FAT3: variants seen among roughly 807,000 people sequenced by gnomAD.
FAT3 encodes the protein FAT atypical cadherin 3, also known as protocadherin Fat 3.
FAT3 carries 95 observed loss-of-function variants against 310.2 expected under a neutral mutation model. The observed-to-expected ratio is 0.31, with a 90% CI of 0.26 to 0.36. The LOEUF (loss-of-function observed/expected upper bound fraction) is 0.36, where lower values mean the gene tolerates loss of function less well. Ranked by LOEUF, FAT3 falls within the 10% of genes least tolerant of loss-of-function variation. The probability of loss-of-function intolerance (pLI) is 1.00; values close to 1 mark genes in which losing one functional copy is unlikely to be tolerated. For synonymous variants in FAT3, 2,314 were observed against 2,192.9 expected, an observed-to-expected ratio of 1.06 and a Z score of -1.54; for missense variants, 5,408 against 5,715.6, an observed-to-expected ratio of 0.95 and a Z score of 1.74.
At chr11:92,616,364 G>A (rs1277794117) in intron 3 of FAT3, among the ~76,000 whole-genome samples, 7 of 109,840 alleles carry the variant, frequency 6.4e-5, no homozygotes, top group East Asian at 2.3e-4. Context: ...TTTTGAGCCT[G>A]TGTGTGTCTC....
intron 1 of FAT3, among the ~76,000 whole-genome samples, chr11:92,236,973 G>A (rs1864450088): frequency 6.6e-6 from 1 of 152,064 alleles, no homozygotes. Flanking sequence ...GCTGATAGAG[G>A]CAAATGTAAA....
In FAT3 at chr11:92,831,701, C is replaced by T. The variant is rs1454398049; in HGVS notation, c.9561C>T (p.Ile3187=). The change falls in exon 14 of 28, where the codon ATC becomes ATT. Residue 3187 remains isoleucine, a synonymous_variant. Transcript: ENST00000525166. The part of the protein sequence containing the change: ...VFSIDSSSGI[I]ILEQPLDREQ... ...CCATTGACAGCTCATCTGGCATCAT[C>T]ATCCTGGAGCAGCCACTGGACCGTG... 6.2e-6 allele frequency: 10 copies of T among 1,613,540 alleles called. No individual in the cohort carries two copies. The highest frequency in any genetic ancestry group is 8.5e-6 in the Non-Finnish European group (10 of 1,179,782).
intron 3 of FAT3, among the ~76,000 whole-genome samples, chr11:92,691,041 G>A (rs980227697): frequency 6.6e-6 from 1 of 152,190 alleles, no homozygotes; most frequent in African/African-American, 2.4e-5. Context: ...TCCCGATTGG[G>A]TGACCCACCC....
At chr11:92,286,679 A>G (rs562204569) in intron 1 of FAT3, among the ~76,000 whole-genome samples, 3 of 152,332 alleles carry the variant, frequency 2.0e-5, no homozygotes, top group African/African-American at 7.2e-5. Context: ...ATAGGATAGC[A>G]TAGAAGAAAA....
At chr11:92,412,765 A>ATATATATATACACATATATG (rs1950324578) in intron 2 of FAT3, among the ~76,000 whole-genome samples, 4 of 137,138 alleles carry the variant, frequency 2.9e-5, no homozygotes, top group Admixed American at 1.5e-4. Flanking sequence ...ACATATATAT[A>ATATATATATACACATATATG]TATTTAATGT....
chr11:92,371,766 A>T (rs1030762920), intron 2 of FAT3, among the ~76,000 whole-genome samples: 8 of 152,082 alleles, frequency 5.3e-5, no homozygotes, highest in African/African-American at 1.9e-4. Context: ...AGCTCTCATC[A>T]CTTCATTCAT....
chr11:92,830,409 C>T (rs1337866289), intron 13 of FAT3, among the ~76,000 whole-genome samples: 2 of 152,184 alleles, frequency 1.3e-5, no homozygotes, highest in African/African-American at 2.4e-5. Context: ...TTCTTGAAAT[C>T]GTAGAGCAGG....
At chr11:92,587,133 T>A (rs1194070904) in intron 3 of FAT3, among the ~76,000 whole-genome samples, 6 of 152,054 alleles carry the variant, frequency 3.9e-5, no homozygotes, top group Admixed American at 1.3e-4. Context: ...TAAGGATTTT[T>A]AATTTTATAT....
In FAT3 at chr11:92,883,418, C is replaced by A; in HGVS notation, c.12937+25C>A. The A allele has an allele frequency of 1.3e-6, 2 of 1,572,524 alleles. No homozygotes were observed. Among genetic ancestry groups the A allele is most frequent in the Non-Finnish European group, 1.7e-6 (2 of 1,157,380 alleles). ...AGTGAGTAGGAAGTGGTAATGCTCACCCCTCGGTGCTTACAGGGAACCTGC... is the reference window on the plus strand; with the variant it reads ...AGTGAGTAGGAAGTGGTAATGCTCAACCCTCGGTGCTTACAGGGAACCTGC... On this transcript the variant is annotated intron_variant, in intron 24 of 27. Coordinates refer to ENST00000525166, the MANE Select transcript of FAT3 (RefSeq NM_001367949.2). The surrounding 1 kb of genome is among the most constrained non-coding windows in gnomAD (Gnocchi z 4.2).
rs1591852231 is a variant in FAT3 at position 92,883,129 on chromosome 11, G to A, written c.12673G>A (p.Val4225Met). The stretch of plus-strand genomic sequence containing the variant: ...GGACGGCCGCAACGTCTACCAGGAG[G>A]TGGGGCCCCCGCAGGTCCCCGTGCG... The part of the protein sequence containing the change: ...SGDGRNVYQE[V>M]GPPQVPVRPM... Residue 4225 changes from valine (V) to methionine (M), a missense_variant, in exon 24 of 28, where the codon GTG (valine) becomes ATG (methionine). Val to Met is a conservative substitution (Grantham distance 21, BLOSUM62 1). Coordinates refer to ENST00000525166, the MANE Select transcript of FAT3 (RefSeq NM_001367949.2). The surrounding 1 kb of genome is among the most constrained non-coding windows in gnomAD (Gnocchi z 4.2). The A allele has an allele frequency of 1.2e-6, 2 of 1,613,766 alleles. No homozygotes were observed. Among genetic ancestry groups the A allele is most frequent in the East Asian group, 4.5e-5 (2 of 44,870 alleles).
intron 13 of FAT3, among the ~76,000 whole-genome samples, chr11:92,827,786 C>T (rs1050439321): frequency 8.5e-5 from 13 of 152,282 alleles, no homozygotes; most frequent in African/African-American, 3.1e-4. Context: ...CCACAAATTG[C>T]CACTACCTAT....
chr11:92,481,876 AATT>A (rs1952235386), intron 2 of FAT3, among the ~76,000 whole-genome samples: 1 of 152,210 alleles, frequency 6.6e-6, no homozygotes, highest in Admixed American at 6.5e-5. Flanking sequence ...TGGTAATAAA[AATT>A]ATTGTTATAA....
intron 2 of FAT3, among the ~76,000 whole-genome samples, chr11:92,410,651 A>T (rs1359596783): frequency 6.6e-6 from 1 of 151,958 alleles, no homozygotes; most frequent in African/African-American, 2.4e-5. Flanking sequence ...TAAGCTTAGT[A>T]GCTAATGAGA....
At chr11:92,350,916 T>C (rs1355151235) in intron 1 of FAT3, among the ~76,000 whole-genome samples, 1 of 152,188 alleles carries the variant, frequency 6.6e-6, no homozygotes, top group Non-Finnish European at 1.5e-5. Context: ...GAAGAACTCA[T>C]ATTTGGGGGT....
intron 2 of FAT3, among the ~76,000 whole-genome samples, chr11:92,505,793 C>G (rs1327099506): frequency 6.6e-6 from 1 of 152,078 alleles, no homozygotes; most frequent in African/African-American, 2.4e-5. Flanking sequence ...GGAGTCAAAG[C>G]CCCACTGGAA....
intron 3 of FAT3, among the ~76,000 whole-genome samples, chr11:92,651,462 A>G (rs1942377963): frequency 6.6e-6 from 1 of 152,236 alleles, no homozygotes; most frequent in Admixed American, 6.5e-5. Flanking sequence ...AGTGTGGAGT[A>G]GAAAAGGCTT....
chr11:92,850,918 T>G (rs1948812329), intron 19 of FAT3, among the ~76,000 whole-genome samples: 1 of 152,212 alleles, frequency 6.6e-6, no homozygotes, highest in African/African-American at 2.4e-5. Flanking sequence ...TGAAGTGAAT[T>G]GCCTGTTGTC....
At chr11:92,888,152 T>G (rs959969862) in intron 25 of FAT3, among the ~76,000 whole-genome samples, 6 of 152,178 alleles carry the variant, frequency 3.9e-5, no homozygotes, top group African/African-American at 1.4e-4. Flanking sequence ...TCATCACCAC[T>G]TTCAAATGAT....
chr11:92,888,317 A>G (rs1475063723), intron 25 of FAT3, among the ~76,000 whole-genome samples: 1 of 152,166 alleles, frequency 6.6e-6, no homozygotes, highest in Non-Finnish European at 1.5e-5. Flanking sequence ...CTCCCTAGCC[A>G]GAAGAAAAGC....
Sources: gnomAD v4.1 joint callset for allele counts (sites outside exome capture counted in the v4.1 genomes callset) on GRCh38, gnomAD v4.1.1 for gene constraint, Gnocchi (gnomAD v3.1) non-coding constraint, MANE v1.5 for transcripts, NCBI Gene and HGNC (gene_info 2026-07-23, HGNC 2026-07-21) for gene names.